The following RALGAPA1 variants were observed in gnomAD, a reference collection of about 807,000 sequenced individuals.
RALGAPA1 encodes ral GTPase-activating protein subunit alpha-1.
RALGAPA1 carries 52 observed loss-of-function variants against 269.6 expected under a neutral mutation model. That is an observed-to-expected ratio of 0.19 (90% CI 0.15 to 0.24). The LOEUF (loss-of-function observed/expected upper bound fraction) is 0.24, where lower values mean the gene tolerates loss of function less well. Ranked by LOEUF, RALGAPA1 falls within the 10% of genes least tolerant of loss-of-function variation. RALGAPA1 has a pLI of 1.00. For missense variants in RALGAPA1, 1,917 were observed against 3,013.9 expected, an observed-to-expected ratio of 0.64 and a Z score of 8.52; for synonymous variants, 817 against 1,008.3, an observed-to-expected ratio of 0.81 and a Z score of 3.60.
intron 13 of RALGAPA1, among the ~76,000 whole-genome samples, chr14:35,727,800 G>A (rs2070108637): frequency 6.6e-6 from 1 of 152,112 alleles, no homozygotes; most frequent in Non-Finnish European, 1.5e-5. Flanking sequence ...ACAGGAAGGT[G>A]AATCTAAGGG....
chr14:35,680,844 G>A (rs1341190723), intron 21 of RALGAPA1, among the ~76,000 whole-genome samples: 2 of 151,756 alleles, frequency 1.3e-5, no homozygotes, highest in African/African-American at 4.8e-5. Flanking sequence ...TCAATCTCCT[G>A]ACCTCGTGAT....
chr14:35,625,656 T>A (rs956529118), intron 34 of RALGAPA1, among the ~76,000 whole-genome samples: 1 of 152,230 alleles, frequency 6.6e-6, no homozygotes, highest in Non-Finnish European at 1.5e-5. Context: ...AATTGGCCAC[T>A]TGAATCTTTC....
intron 4 of RALGAPA1, chr14:35,766,870 T>C: frequency 4.5e-6 from 2 of 445,512 alleles, no homozygotes; most frequent in South Asian, 1.8e-5. Flanking sequence ...ATGATATTTT[T>C]ACACAGGCTG....
chr14:35,698,237 A>C (rs1417302707), intron 17 of RALGAPA1, among the ~76,000 whole-genome samples: 2 of 152,228 alleles, frequency 1.3e-5, no homozygotes, highest in Non-Finnish European at 2.9e-5. Flanking sequence ...TCATAAAATC[A>C]TTAAAAAGGT....
chr14:35,760,230 C>G (rs1042273138), intron 6 of RALGAPA1, among the ~76,000 whole-genome samples: 1 of 152,144 alleles, frequency 6.6e-6, no homozygotes, highest in African/African-American at 2.4e-5. Flanking sequence ...TGGGGCTTTA[C>G]TGACTCTAGA....
chr14:35,708,162 A>G (rs968271122), intron 16 of RALGAPA1, among the ~76,000 whole-genome samples: 6 of 152,208 alleles, frequency 3.9e-5, no homozygotes, highest in African/African-American at 1.4e-4. Flanking sequence ...CATTATTGAA[A>G]GAAAACTTTG....
chr14:35,701,468 T>C (rs2067345756), intron 16 of RALGAPA1, among the ~76,000 whole-genome samples: 1 of 152,142 alleles, frequency 6.6e-6, no homozygotes, highest in South Asian at 2.1e-4. Context: ...AGTAAGACTT[T>C]TCTTTTACTG....
chr14:35,635,179 G>GAAA (rs59468474), intron 32 of RALGAPA1, among the ~76,000 whole-genome samples: 1 of 145,698 alleles, frequency 6.9e-6, no homozygotes, highest in Non-Finnish European at 1.5e-5. Context: ...TTCAATAAAA[G>GAAA]AAAAAAAAAA....
At chr14:35,645,410 G>C (rs2062357174) in intron 31 of RALGAPA1, among the ~76,000 whole-genome samples, 1 of 125,274 alleles carries the variant, frequency 8.0e-6, no homozygotes, top group East Asian at 2.5e-4. Context: ...GTATTTCCTA[G>C]CTGTATCTGC....
chr14:35,622,168 G>A (rs142005737), intron 35 of RALGAPA1, among the ~76,000 whole-genome samples: 4,113 of 152,246 alleles, frequency 0.027, 116 homozygotes, highest in African/African-American at 0.072. Flanking sequence ...TATACACCAC[G>A]GAATACTATG....
At chr14:35,782,944 C>T (rs1189385857) in intron 1 of RALGAPA1, among the ~76,000 whole-genome samples, 2 of 152,000 alleles carry the variant, frequency 1.3e-5, no homozygotes, top group African/African-American at 4.8e-5. Context: ...ACCTCAGCCT[C>T]CTGAGTCACT....
chr14:35,756,545 T>C, intron 7 of RALGAPA1: 1 of 221,540 alleles, frequency 4.5e-6, no homozygotes, highest in Non-Finnish European at 8.9e-6. Flanking sequence ...CAAAGAAGAA[T>C]CTAAAACTTG....
chr14:35,573,333 C>T (rs1342123346), intron 37 of RALGAPA1, among the ~76,000 whole-genome samples: 1 of 152,024 alleles, frequency 6.6e-6, no homozygotes, highest in Non-Finnish European at 1.5e-5. Context: ...GAACTTAATG[C>T]CCTTTAGTCT....
intron 29 of RALGAPA1, 36 bp from the exon 30 acceptor site, chr14:35,654,513 T>C (rs775492393): frequency 1.3e-6 from 2 of 1,555,618 alleles, no homozygotes; most frequent in Non-Finnish European, 1.7e-6. Flanking sequence ...AAAATTTTCA[T>C]GATGAACTTT....
chr14:35,552,078 T>G (rs1281399796), intron 39 of RALGAPA1, among the ~76,000 whole-genome samples: 1 of 152,126 alleles, frequency 6.6e-6, no homozygotes, highest in East Asian at 1.9e-4. Context: ...AAAAGCTAAA[T>G]GATCTTTATA....
At chr14:35,664,947 T>C (rs535079843) in intron 26 of RALGAPA1, among the ~76,000 whole-genome samples, 180 bp from the exon 27 acceptor site, 1 of 152,302 alleles carries the variant, frequency 6.6e-6, no homozygotes, top group East Asian at 1.9e-4. Flanking sequence ...TAAACTACTG[T>C]TATTGTTAAT....
intron 39 of RALGAPA1, among the ~76,000 whole-genome samples, chr14:35,554,364 T>TTTTTTTTG (rs1491153767): frequency 8.4e-6 from 1 of 118,494 alleles, no homozygotes; most frequent in Non-Finnish European, 1.6e-5. Context: ...TTTTTTTTTT[T>TTTTTTTTG]GAGACGGAGT....
At chr14:35,563,992 C>CT (rs1205890029) in intron 39 of RALGAPA1, among the ~76,000 whole-genome samples, 1 of 152,118 alleles carries the variant, frequency 6.6e-6, no homozygotes, top group Non-Finnish European at 1.5e-5. Context: ...TTTGTACCAT[C>CT]ATAAAGCTGA....
In RALGAPA1 at chr14:35,689,196, T is replaced by A; in HGVS notation, c.3215A>T (p.Asp1072Val). 8.1e-7 allele frequency: 1 copy of A among 1,233,012 alleles called. No homozygotes were observed. The allele number at this position is 1,233,012 out of a possible 1,614,324, so 76.4% of individuals were successfully genotyped here. A position where few individuals can be genotyped will look rare whatever the true frequency, so the allele number is the denominator to read the frequency against. Residue 1072 changes from aspartate to valine, a missense_variant, in exon 18 of 42, where the codon GAT becomes GTT. Asp to Val is a radical substitution (Grantham distance 152). Around this residue, in one of 11 missense-constraint regions of RALGAPA1, gnomAD observed 615 missense variants for 790.0 expected, o/e 0.78. Transcript: ENST00000680220. ...HLYRQAATEL[D>V]ACVDVTLVEK... The stretch of plus-strand genomic sequence containing the variant: ...AACTAGTGTTACATCAACACAAGCA[T>A]CTAATTCTGTGGCTGCTTGTCTGTA...
Sources: gnomAD v4.1 joint callset for allele counts (sites outside exome capture counted in the v4.1 genomes callset) on GRCh38, gnomAD v4.1.1 for gene constraint, gnomAD v4.1.1 regional missense constraint, MANE v1.5 for transcripts, NCBI Gene and HGNC (gene_info 2026-07-23, HGNC 2026-07-21) for gene names.